The following OCM variants were observed in gnomAD, a reference collection of about 807,000 sequenced individuals.
OCM encodes the protein oncomodulin.
Under a neutral mutation model 14.1 loss-of-function variants are expected in OCM, and 18 were observed. That is an observed-to-expected ratio of 1.28 (90% CI 0.88 to 1.89). The LOEUF (loss-of-function observed/expected upper bound fraction) is 1.89, where lower values mean the gene tolerates loss of function less well. Among genes scored for constraint, OCM ranks in the 40% most tolerant of loss-of-function variants. OCM has a pLI of 0.00. For missense variants in OCM, 140 were observed against 137.6 expected (o/e 1.02, Z -0.09); for synonymous variants, 48 against 51.0 (o/e 0.94, Z 0.25).
chr7:5,868,760 G>A, the OCM span, among the ~76,000 whole-genome samples: 1,475 of 152,258 alleles, frequency 9.7e-3, 27 homozygotes, highest in African/African-American at 0.033. Context: ...AGTCAGACCA[G>A]TACTCATGCT....
chr7:5,859,791 G>A, the OCM span, among the ~76,000 whole-genome samples: 10 of 151,986 alleles, frequency 6.6e-5, no homozygotes, highest in East Asian at 1.9e-3. Context: ...TCCGCCTCCC[G>A]GGTTCAAGCG....
chr7:5,863,905 T>C, the OCM span, among the ~76,000 whole-genome samples: 1 of 152,012 alleles, frequency 6.6e-6, no homozygotes, highest in Non-Finnish European at 1.5e-5. Flanking sequence ...GCCGATGTTG[T>C]CTAGGGAACC....
At chr7:5,882,758 C>G (rs1380557855) in intron 2 of OCM, 133 bp downstream of exon 2, 2 of 1,061,032 alleles carry the variant, frequency 1.9e-6, no homozygotes, top group Non-Finnish European at 2.7e-6. Context: ...ATCATTAAAG[C>G]AAAGGACATG....
the OCM span, among the ~76,000 whole-genome samples, chr7:5,869,892 C>G: frequency 2.0e-5 from 3 of 152,106 alleles, no homozygotes; most frequent in Non-Finnish European, 4.4e-5. Context: ...TGACCCAGGA[C>G]AAGAGCACAG....
At chr7:5,860,091 A>G in the OCM span, among the ~76,000 whole-genome samples, 1 of 152,034 alleles carries the variant, frequency 6.6e-6, no homozygotes, top group Non-Finnish European at 1.5e-5. Flanking sequence ...ATCATGGACA[A>G]GTGAAGACAG....
At chr7:5,873,871 T>C in the OCM span, among the ~76,000 whole-genome samples, 1 of 151,798 alleles carries the variant, frequency 6.6e-6, no homozygotes, top group Non-Finnish European at 1.5e-5. Flanking sequence ...AACTAGCCCA[T>C]CATGCATGAT....
At chr7:5,876,960 C>A (rs954449326), upstream of OCM, among the ~76,000 whole-genome samples, 1 of 152,156 alleles carries the variant, frequency 6.6e-6, no homozygotes, top group Non-Finnish European at 1.5e-5. Flanking sequence ...CATGCGCCAC[C>A]ATGCTCGGCT....
At chr7:5,875,728 T>C (rs1165605308), upstream of OCM, among the ~76,000 whole-genome samples, 1 of 152,168 alleles carries the variant, frequency 6.6e-6, no homozygotes, top group East Asian at 1.9e-4. Context: ...TTTATCTCTA[T>C]GGACAATTGT....
At chr7:5,883,655 C>G (rs1035497744) in intron 2 of OCM, among the ~76,000 whole-genome samples, 1 of 150,262 alleles carries the variant, frequency 6.7e-6, no homozygotes, top group African/African-American at 2.5e-5. Flanking sequence ...TCACTGCATT[C>G]CAGCCTGGGT....
upstream of OCM, among the ~76,000 whole-genome samples, chr7:5,876,490 G>C (rs573788732): frequency 9.9e-5 from 15 of 152,278 alleles, no homozygotes; most frequent in South Asian, 6.2e-4. Context: ...GGTGATGCTG[G>C]TTGGGAATCG....
At chr7:5,878,873 GTT>G (rs1781150542), upstream of OCM, among the ~76,000 whole-genome samples, 1 of 74,802 alleles carries the variant, frequency 1.3e-5, no homozygotes, top group Admixed American at 1.9e-4. Flanking sequence ...TTTGCTGAAA[GTT>G]AAAAAAAAAA....
intron 1 of OCM, among the ~76,000 whole-genome samples, chr7:5,881,205 G>T (rs1051214490): frequency 8.6e-5 from 13 of 151,774 alleles, no homozygotes; most frequent in African/African-American, 3.2e-4. Context: ...TGTAATCCCA[G>T]CTACTCGGGA....
chr7:5,866,850 T>C, the OCM span, among the ~76,000 whole-genome samples: 2 of 152,184 alleles, frequency 1.3e-5, no homozygotes, highest in South Asian at 2.1e-4. Context: ...CTGGTTACCA[T>C]GTAACCCGCT....
rs139672804 is a variant in OCM at position 5,884,556 on chromosome 7, A to G, written c.304+557A>G. 3.3e-3 allele frequency among the ~76,000 whole-genome samples: 503 copies of G among 152,288 alleles called. 5 individuals carry two copies. Among genetic ancestry groups the G allele is most frequent in the African/African-American group, 0.011 (476 of 41,568 alleles). ...AGGCCGAATCCTAGGTTTGAGCTTTAGAATACACTAGCACAGCTGTAGGAC... is the reference window on the plus strand; with the variant it reads ...AGGCCGAATCCTAGGTTTGAGCTTTGGAATACACTAGCACAGCTGTAGGAC... On this transcript the variant is annotated intron_variant, in intron 3 of 3. Transcript: ENST00000242104.
chr7:5,869,947 C>G, the OCM span, among the ~76,000 whole-genome samples: 1 of 152,138 alleles, frequency 6.6e-6, no homozygotes, highest in African/African-American at 2.4e-5. Flanking sequence ...AACTGACAAG[C>G]GGTTAAATAC....
At chr7:5,862,484 A>G in the OCM span, among the ~76,000 whole-genome samples, 1 of 152,160 alleles carries the variant, frequency 6.6e-6, no homozygotes, top group Admixed American at 6.6e-5. Flanking sequence ...TCACACTGAC[A>G]ATGTCGATTA....
chr7:5,872,984 C>G, the OCM span, among the ~76,000 whole-genome samples: 1 of 152,110 alleles, frequency 6.6e-6, no homozygotes, highest in Non-Finnish European at 1.5e-5. Context: ...GGGAGGATGG[C>G]TTGAGCCCAG....
chr7:5,862,546 C>T, the OCM span, among the ~76,000 whole-genome samples: 2 of 152,202 alleles, frequency 1.3e-5, no homozygotes, highest in African/African-American at 4.8e-5. Context: ...AATCATCCTT[C>T]CACCTACCCT....
At chr7:5,867,253 G>C in the OCM span, among the ~76,000 whole-genome samples, 3 of 152,086 alleles carry the variant, frequency 2.0e-5, no homozygotes, top group African/African-American at 7.2e-5. Context: ...CTACTCAGGA[G>C]GATCGCTTGG....
Sources: allele counts gnomAD v4.1 joint callset (sites outside exome capture counted in the v4.1 genomes callset), GRCh38; gene constraint gnomAD v4.1.1; transcripts MANE v1.5; gene names NCBI Gene and HGNC (gene_info 2026-07-23, HGNC 2026-07-21).